Variants in GEMIN7 observed in about 807,000 individuals in gnomAD.
GEMIN7 encodes gem-associated protein 7.
A neutral mutation model predicts 7.8 loss-of-function variants in GEMIN7; 7 were observed. The observed-to-expected ratio is 0.90, with a 90% confidence interval of 0.51 to 1.69. GEMIN7 has a LOEUF of 1.69. GEMIN7 is among the 40% of genes most tolerant of loss of function. The pLI, the probability that GEMIN7 is intolerant of heterozygous loss-of-function variation, is 0.00. For synonymous variants in GEMIN7, 68 were observed against 72.4 expected (o/e 0.94, Z 0.31); for missense variants, 159 against 176.2 (o/e 0.90, Z 0.55).
chr19:45,076,256 C>G, upstream of GEMIN7: 1 of 1,499,992 alleles, frequency 6.7e-7, no homozygotes, highest in African/African-American at 1.5e-5. This position sits in a 1 kb window ranked among gnomAD's most constrained non-coding sequence, Gnocchi z 4.9. Context: ...TGGGGCTGCG[C>G]GTCTGGCTCG....
intron 2 of GEMIN7, among the ~76,000 whole-genome samples, chr19:45,082,424 T>G (rs1403016352): frequency 6.6e-6 from 1 of 152,182 alleles, no homozygotes; most frequent in Non-Finnish European, 1.5e-5. Context: ...TCCTCTGGAC[T>G]CCTTCATTCC....
chr19:45,084,583 T>C (rs1967616836), intron 2 of GEMIN7, among the ~76,000 whole-genome samples: 1 of 151,324 alleles, frequency 6.6e-6, no homozygotes, highest in Non-Finnish European at 1.5e-5. Flanking sequence ...TTGGGGCGTT[T>C]GTTTGTTTTT....
At chr19:45,076,320 G>GGCGGGC, upstream of GEMIN7, 2 of 1,411,854 alleles carry the variant, frequency 1.4e-6, no homozygotes, top group Non-Finnish European at 1.9e-6. This position sits in a 1 kb window ranked among gnomAD's most constrained non-coding sequence, Gnocchi z 4.9. Context: ...CTGGGTTGGC[G>GGCGGGC]GCGGGCGCGG....
chr19:45,079,181 C>A (rs1296990286), upstream of GEMIN7: 3 of 152,278 alleles, frequency 2.0e-5, no homozygotes, highest in Non-Finnish European at 2.9e-5. Flanking sequence ...GCAGTGGCGG[C>A]GGCGCGGGCG....
Position 45,079,372 on chromosome 19 carries a change from A to G in GEMIN7, c.-137A>G, listed in dbSNP as rs1341983772. The G allele has an allele frequency of 6.6e-6, 1 of 152,342 alleles. No homozygotes were observed. Among genetic ancestry groups the G allele is most frequent in the Non-Finnish European group, 1.5e-5 (1 of 68,206 alleles). The allele number at this position is 152,342 out of a possible 1,614,324, so 9.4% of individuals were successfully genotyped here. On this transcript the variant is annotated 5_prime_UTR_variant, in exon 1 of 3. Transcript: ENST00000270257. Reference sequence around the variant, plus strand: ...CCCAGTGCAACGCCCTGAGTGACGGAAAGAGGTAGGACCGCGCCTGCAGCG... The same window carrying G: ...CCCAGTGCAACGCCCTGAGTGACGGGAAGAGGTAGGACCGCGCCTGCAGCG...
intron 2 of GEMIN7, among the ~76,000 whole-genome samples, chr19:45,084,101 C>T (rs1197622088): frequency 1.3e-5 from 2 of 149,074 alleles, no homozygotes; most frequent in East Asian, 4.0e-4. Context: ...ATCCCAGCTA[C>T]TTGGGAGGCT....
At chr19:45,076,414 A>G (rs1450502888), upstream of GEMIN7, 107 of 1,218,122 alleles carry the variant, frequency 8.8e-5, no homozygotes, top group East Asian at 2.0e-4. The surrounding 1 kb of genome is among the most constrained non-coding windows in gnomAD (Gnocchi z 4.9). Flanking sequence ...GCAGGCAGGC[A>G]GGCGGGCGGG....
At chr19:45,076,334 C>G (rs148584263), upstream of GEMIN7, 88 of 1,387,912 alleles carry the variant, frequency 6.3e-5, no homozygotes, top group African/African-American at 1.1e-3. The surrounding 1 kb of genome is among the most constrained non-coding windows in gnomAD (Gnocchi z 4.9). Context: ...GGCGCGGGCT[C>G]TACTCGGCGG....
intron 2 of GEMIN7, among the ~76,000 whole-genome samples, chr19:45,087,390 A>G (rs1419808707): frequency 6.6e-6 from 1 of 151,982 alleles, no homozygotes; most frequent in Non-Finnish European, 1.5e-5. Context: ...GTGATCCTCC[A>G]GCCTCAGCCC....
At chr19:45,088,981 G>A (rs578174730) in intron 2 of GEMIN7, among the ~76,000 whole-genome samples, 348 of 143,476 alleles carry the variant, frequency 2.4e-3, no homozygotes, top group African/African-American at 8.9e-3. Flanking sequence ...TCACTCTGTC[G>A]CCCAGGCTAG....
At chr19:45,076,547 C>T (rs1292682927), upstream of GEMIN7, 3 of 432,520 alleles carry the variant, frequency 6.9e-6, no homozygotes, top group Non-Finnish European at 1.1e-5. The surrounding 1 kb of genome is among the most constrained non-coding windows in gnomAD (Gnocchi z 4.9). Context: ...GGGCGGGGCT[C>T]ATGGGAGGGG....
At chr19:45,076,039 G>A (rs1967340962), upstream of GEMIN7, 1 of 1,572,452 alleles carries the variant, frequency 6.4e-7, no homozygotes, top group Non-Finnish European at 8.6e-7. The surrounding 1 kb of genome is among the most constrained non-coding windows in gnomAD (Gnocchi z 4.9). Context: ...GAGGGTCAAA[G>A]GTAAGGGAGG....
chr19:45,078,572 T>C (rs145007622), upstream of GEMIN7, among the ~76,000 whole-genome samples: 3 of 152,314 alleles, frequency 2.0e-5, no homozygotes, highest in African/African-American at 7.2e-5. Context: ...AACAAATATT[T>C]ATTGCGCACC....
chr19:45,090,027 C>A, intron 2 of GEMIN7, 80 bp from the exon 3 acceptor site: 1 of 1,435,174 alleles, frequency 7.0e-7, no homozygotes, highest in Non-Finnish European at 9.5e-7. Context: ...GTAGACCAGC[C>A]TCTGCTTCCA....
chr19:45,086,980 G>A (rs1350823737), intron 2 of GEMIN7, among the ~76,000 whole-genome samples: 2 of 151,128 alleles, frequency 1.3e-5, no homozygotes, highest in Non-Finnish European at 2.9e-5. Context: ...ATGAGTAGCT[G>A]GGATTACAGG....
At chr19:45,075,779 C>T (rs1469558072), upstream of GEMIN7, 3 of 1,614,112 alleles carry the variant, frequency 1.9e-6, no homozygotes, top group Admixed American at 3.3e-5. Flanking sequence ...TCCATGAAGG[C>T]AGTGATGGCC....
intron 2 of GEMIN7, among the ~76,000 whole-genome samples, chr19:45,089,415 T>C (rs183604191): frequency 2.7e-4 from 41 of 152,334 alleles, no homozygotes; most frequent in African/African-American, 9.4e-4. Flanking sequence ...ATTGTATTGT[T>C]CAAATAATTC....
At chr19:45,083,316 G>A (rs1016232044) in intron 2 of GEMIN7, among the ~76,000 whole-genome samples, 2 of 151,866 alleles carry the variant, frequency 1.3e-5, no homozygotes, top group East Asian at 2.0e-4. Context: ...GCATGGTGGC[G>A]CGCACCTGTA....
intron 2 of GEMIN7, among the ~76,000 whole-genome samples, chr19:45,080,922 T>C (rs1401922885): frequency 1.3e-5 from 2 of 152,108 alleles, no homozygotes; most frequent in Non-Finnish European, 2.9e-5. Flanking sequence ...GGGTTTCTCT[T>C]GAAACTCAAG....
Sources: gnomAD v4.1 joint callset for allele counts (sites outside exome capture counted in the v4.1 genomes callset) on GRCh38, gnomAD v4.1.1 for gene constraint, Gnocchi (gnomAD v3.1) non-coding constraint, MANE v1.5 for transcripts, NCBI Gene and HGNC (gene_info 2026-07-23, HGNC 2026-07-21) for gene names.